AIG1: variants seen among roughly 807,000 people sequenced by gnomAD.
The protein encoded by AIG1 is androgen-induced gene 1 protein.
In AIG1, 23 loss-of-function variants were observed where a neutral mutation model predicts 31.4. The ratio of observed to expected loss-of-function variants is 0.73; its 90% CI spans 0.53 to 1.04. The LOEUF is 1.04. Among genes scored for constraint, AIG1 ranks in the 50% least tolerant of loss-of-function variants. The probability of loss-of-function intolerance (pLI) is 0.00; values close to 1 mark genes in which losing one functional copy is unlikely to be tolerated. For synonymous variants in AIG1, 100 were observed against 110.5 expected (o/e 0.90, Z 0.60); for missense variants, 274 against 295.0 (o/e 0.93, Z 0.52).
chr6:143,158,425 GT>G (rs1786010501), intron 2 of AIG1, among the ~76,000 whole-genome samples: 1 of 152,170 alleles, frequency 6.6e-6, no homozygotes, highest in Non-Finnish European at 1.5e-5. Flanking sequence ...GCAGGATCTT[GT>G]TTCTTCCATC....
chr6:143,224,224 G>A (rs577560269), intron 3 of AIG1, among the ~76,000 whole-genome samples: 7 of 152,250 alleles, frequency 4.6e-5, no homozygotes, highest in African/African-American at 1.7e-4. Flanking sequence ...TCTTTCCAGC[G>A]CCTTAAGACC....
intron 3 of AIG1, among the ~76,000 whole-genome samples, chr6:143,192,182 A>G (rs554797566): frequency 5.9e-5 from 9 of 152,334 alleles, no homozygotes; most frequent in African/African-American, 2.2e-4. Flanking sequence ...TTGATATTTG[A>G]GAGCATCTGT....
chr6:143,181,582 AAGGC>A (rs1382313766), intron 3 of AIG1, among the ~76,000 whole-genome samples: 1 of 152,252 alleles, frequency 6.6e-6, no homozygotes, highest in African/African-American at 2.4e-5. Flanking sequence ...AATAAATTTC[AAGGC>A]ATTTACTTTT....
intron 4 of AIG1, among the ~76,000 whole-genome samples, chr6:143,305,873 G>T (rs1283197835): frequency 6.6e-6 from 1 of 151,978 alleles, no homozygotes; most frequent in African/African-American, 2.4e-5. Flanking sequence ...TCTCTTTGTA[G>T]GTCACTCAGG....
At chr6:143,212,553 G>C (rs1038324381) in intron 3 of AIG1, among the ~76,000 whole-genome samples, 3 of 152,164 alleles carry the variant, frequency 2.0e-5, no homozygotes, top group African/African-American at 7.2e-5. Flanking sequence ...TGACTGACCA[G>C]ACCATGAATT....
At chr6:143,244,737 C>T (rs1794489205) in intron 3 of AIG1, among the ~76,000 whole-genome samples, 1 of 152,196 alleles carries the variant, frequency 6.6e-6, no homozygotes, top group Non-Finnish European at 1.5e-5. Context: ...TTAGAGAAAT[C>T]TTGGGATCTC....
chr6:143,096,255 T>A (rs1449821399), intron 1 of AIG1, among the ~76,000 whole-genome samples: 2 of 152,156 alleles, frequency 1.3e-5, no homozygotes, highest in Non-Finnish European at 2.9e-5. Context: ...AGAGAAATAA[T>A]CTGGCCAGAT....
At chr6:143,180,134 G>C (rs548340390) in intron 3 of AIG1, among the ~76,000 whole-genome samples, 38 of 152,368 alleles carry the variant, frequency 2.5e-4, no homozygotes, top group African/African-American at 8.2e-4. Context: ...CTGTAATGCA[G>C]GTGGCCATGG....
intron 4 of AIG1, among the ~76,000 whole-genome samples, chr6:143,316,003 G>T (rs1019069707): frequency 2.0e-5 from 3 of 151,974 alleles, no homozygotes; most frequent in Non-Finnish European, 2.9e-5. Context: ...GATAAATCAA[G>T]AAATAGCAGT....
At chr6:143,146,819 C>G (rs1290822129) in intron 2 of AIG1, among the ~76,000 whole-genome samples, 1 of 152,218 alleles carries the variant, frequency 6.6e-6, no homozygotes, top group African/African-American at 2.4e-5. Context: ...CATGTGATTA[C>G]CATTCCAATG....
chr6:143,062,252 AGC>A (rs1776323386), intron 1 of AIG1, among the ~76,000 whole-genome samples: 1 of 152,258 alleles, frequency 6.6e-6, no homozygotes, highest in African/African-American at 2.4e-5. Flanking sequence ...TCTGTTGCCC[AGC>A]AGTCTCCAAA....
intron 4 of AIG1, among the ~76,000 whole-genome samples, chr6:143,287,737 TA>T (rs59551903): frequency 0.08 from 6,213 of 77,624 alleles, 221 homozygotes; most frequent in African/African-American, 0.12. Context: ...CTGACTACAG[TA>T]AAAAAAAAAA....
chr6:143,232,800 A>G (rs527990934), intron 3 of AIG1, among the ~76,000 whole-genome samples: 1 of 152,070 alleles, frequency 6.6e-6, no homozygotes, highest in Admixed American at 6.5e-5. Context: ...CTTTCTGCCA[A>G]TTTTGCTCCA....
chr6:143,207,065 A>G lies in AIG1; in HGVS notation c.399+41882A>G, dbSNP rs539352979. ...ATATTAAGGTGCTGTCCCTGTATCTATAAGAGTGGTACATGGAGCATGTTG... is the reference window on the plus strand; with the variant it reads ...ATATTAAGGTGCTGTCCCTGTATCTGTAAGAGTGGTACATGGAGCATGTTG... On this transcript the variant is annotated intron_variant, in intron 3 of 5. Transcript: ENST00000357847. 1.8e-4 allele frequency among the ~76,000 whole-genome samples: 27 copies of G among 152,184 alleles called. No homozygotes were observed. The South Asian group carries it at 5.4e-3, about 30-fold the overall frequency.
At chr6:143,312,006 C>T (rs1043136895) in intron 4 of AIG1, among the ~76,000 whole-genome samples, 53 of 151,656 alleles carry the variant, frequency 3.5e-4, no homozygotes, top group African/African-American at 1.3e-3. Context: ...TTAACAAAGA[C>T]GTGAAAGAGC....
chr6:143,250,087 A>T (rs559238035), intron 3 of AIG1, among the ~76,000 whole-genome samples: 50 of 152,338 alleles, frequency 3.3e-4, no homozygotes, highest in Non-Finnish European at 6.3e-4. Context: ...AGCAAGGCAG[A>T]CCACTTTGGC....
At chr6:143,109,390 C>G (rs1221269221) in intron 1 of AIG1, among the ~76,000 whole-genome samples, 1 of 152,132 alleles carries the variant, frequency 6.6e-6, no homozygotes, top group Non-Finnish European at 1.5e-5. Flanking sequence ...GAGGAAGAGA[C>G]TTACTGGGTT....
intron 1 of AIG1, among the ~76,000 whole-genome samples, chr6:143,108,524 G>T (rs1447811689): frequency 1.3e-5 from 2 of 152,178 alleles, no homozygotes; most frequent in Non-Finnish European, 2.9e-5. Context: ...GCAGCTCAGA[G>T]ATTTCTCACT....
In AIG1 at chr6:143,328,306, C is replaced by A. The variant is rs897307161; in HGVS notation, c.516-4976C>A. Among the ~76,000 whole-genome samples the A allele has an allele frequency of 2.0e-5, 3 of 152,126 alleles. No individual in the cohort carries two copies. Among genetic ancestry groups the A allele is most frequent in the Non-Finnish European group, 2.9e-5 (2 of 68,018 alleles). Reference sequence around the variant, plus strand: ...GAAGTTTGCTTTTGAAGAGGAGAGACTTGAGTAGTACTTGTGAAGTATTTG... The same window carrying A: ...GAAGTTTGCTTTTGAAGAGGAGAGAATTGAGTAGTACTTGTGAAGTATTTG... On this transcript the variant is annotated intron_variant, in intron 4 of 5. Coordinates refer to ENST00000357847, the MANE Select transcript of AIG1 (RefSeq NM_016108.4). The surrounding 1 kb of genome is among the most constrained non-coding windows in gnomAD (Gnocchi z 4.0).
Sources: allele counts gnomAD v4.1 joint callset (sites outside exome capture counted in the v4.1 genomes callset), GRCh38; gene constraint gnomAD v4.1.1; non-coding constraint Gnocchi (gnomAD v3.1); transcripts MANE v1.5; gene names NCBI Gene and HGNC (gene_info 2026-07-23, HGNC 2026-07-21).